Variants in DENND4C observed in about 807,000 individuals in gnomAD.
DENND4C encodes the protein DENN domain-containing protein 4C.
In DENND4C, 108 loss-of-function variants were observed where a neutral mutation model predicts 203.0. The ratio of observed to expected loss-of-function variants is 0.53; its 90% confidence interval spans 0.46 to 0.62. DENND4C has a LOEUF of 0.62. Ranked by LOEUF, DENND4C falls within the 20% of genes least tolerant of loss-of-function variation. The probability of loss-of-function intolerance (pLI) is 0.00; values close to 1 mark genes in which losing one functional copy is unlikely to be tolerated. For missense variants in DENND4C, 2,481 were observed against 2,301.2 expected, an observed-to-expected ratio of 1.08 and a Z score of -1.60; for synonymous variants, 871 against 792.4, an observed-to-expected ratio of 1.10 and a Z score of -1.67.
chr9:19,327,020 T>C (rs1425649163), intron 15 of DENND4C, among the ~76,000 whole-genome samples: 1 of 109,426 alleles, frequency 9.1e-6, no homozygotes, highest in Middle Eastern at 5.0e-3. Context: ...GTAAAGTAAG[T>C]ACATCCCAAA....
intron 1 of DENND4C, among the ~76,000 whole-genome samples, chr9:19,236,578 C>T (rs547846120): frequency 6.6e-6 from 1 of 152,130 alleles, no homozygotes; most frequent in Non-Finnish European, 1.5e-5. Flanking sequence ...AATATTTTGG[C>T]TCCATTAAGA....
intron 21 of DENND4C, among the ~76,000 whole-genome samples, chr9:19,341,500 A>G (rs571794217): frequency 6.6e-6 from 1 of 151,724 alleles, no homozygotes; most frequent in South Asian, 2.1e-4. Flanking sequence ...TGTAGAGACA[A>G]GGTCTCACCA....
rs41302075 is a variant in DENND4C at position 19,288,775 on chromosome 9, A to G, written c.628+110A>G. ...CTTACATAGTTTGTAGAATTGATCT[A>G]TTCATAAAATTATCTATAATTTTAG... On this transcript the variant is annotated intron_variant, in intron 4 of 32. Transcript: ENST00000434457. The G allele has an allele frequency of 2.3e-3, 1,163 of 510,722 alleles. 3 individuals are homozygous for G. The highest frequency in any genetic ancestry group is 3.1e-3 in the Non-Finnish European group (1,032 of 330,686). The allele number at this position is 510,722 out of a possible 1,614,324, so 31.6% of individuals were successfully genotyped here.
chr9:19,237,618 A>G (rs201136265), intron 1 of DENND4C, among the ~76,000 whole-genome samples: 21 of 151,458 alleles, frequency 1.4e-4, no homozygotes, highest in East Asian at 1.2e-3. Context: ...CGACCTCCCA[A>G]AGTGCTGGGA....
rs894504479 is a variant in DENND4C at position 19,300,467 on chromosome 9, G to A, written c.1311+136G>A. 19 of 804,024 alleles carry A rather than the reference G, an allele frequency of 2.4e-5. No individual in the cohort carries two copies. In the African/African-American group the frequency reaches 3.2e-4, roughly 13 times the overall value. 49.8% of individuals were successfully genotyped at this position (804,024 alleles called of 1,614,324 possible). On this transcript the variant is annotated intron_variant, in intron 9 of 32. Coordinates refer to ENST00000434457, the MANE Select transcript of DENND4C (RefSeq NM_001330640.2). ...GGAACTTTGAAAAATTTCCAGCCCAGTAAAAGTTGAATATAATCTGCTGGC... is the reference window on the plus strand; with the variant it reads ...GGAACTTTGAAAAATTTCCAGCCCAATAAAAGTTGAATATAATCTGCTGGC...
intron 15 of DENND4C, among the ~76,000 whole-genome samples, chr9:19,327,287 A>T (rs1388607353): frequency 6.6e-6 from 1 of 152,124 alleles, no homozygotes; most frequent in African/African-American, 2.4e-5. Context: ...AGTCAATAAT[A>T]TAAAAATATG....
chr9:19,362,704 C>T (rs1047724766), intron 30 of DENND4C, among the ~76,000 whole-genome samples: 1 of 152,028 alleles, frequency 6.6e-6, no homozygotes, highest in African/African-American at 2.4e-5. Context: ...TTCTATATAG[C>T]AGAAGAGTAA....
At chr9:19,266,858 T>C (rs892284578) in intron 1 of DENND4C, among the ~76,000 whole-genome samples, 2 of 152,192 alleles carry the variant, frequency 1.3e-5, no homozygotes, top group Non-Finnish European at 2.9e-5. Context: ...ATGTTAGACC[T>C]AAAACCATGA....
intron 1 of DENND4C, among the ~76,000 whole-genome samples, chr9:19,251,475 G>C (rs1206576675): frequency 6.6e-6 from 1 of 152,216 alleles, no homozygotes; most frequent in East Asian, 1.9e-4. Flanking sequence ...CTGTCTTGGG[G>C]ATTAACATTC....
At chr9:19,298,568 T>C (rs780938411) in intron 7 of DENND4C, among the ~76,000 whole-genome samples, 1 of 152,118 alleles carries the variant, frequency 6.6e-6, no homozygotes, top group Non-Finnish European at 1.5e-5. Context: ...GTGTACAGCT[T>C]GTGACATATG....
At chr9:19,258,440 T>A (rs1369528161) in intron 1 of DENND4C, among the ~76,000 whole-genome samples, 1 of 152,152 alleles carries the variant, frequency 6.6e-6, no homozygotes, top group Non-Finnish European at 1.5e-5. Context: ...ATATAAAATT[T>A]CACACAAAAT....
intron 30 of DENND4C, among the ~76,000 whole-genome samples, chr9:19,368,795 G>A (rs1697005313): frequency 2.0e-5 from 3 of 151,474 alleles, no homozygotes; most frequent in Admixed American, 2.0e-4. Context: ...GTGAAAAACT[G>A]TCTAAAAAGT....
rs190123409 is a variant in DENND4C at position 19,364,815 on chromosome 9, G to C, written c.5524+2852G>C. 3.4e-3 allele frequency among the ~76,000 whole-genome samples: 524 copies of C among 152,208 alleles called. 3 individuals are homozygous for C. The highest frequency in any genetic ancestry group is 5.1e-3 in the Non-Finnish European group (345 of 68,006). The stretch of plus-strand genomic sequence containing the variant: ...GAGGCTGAGACAGGAGAATCAGGGA[G>C]GCCTGGGAGGCGGAAGTTGCAGTGA... On this transcript the variant is annotated intron_variant, in intron 30 of 32. Transcript: ENST00000434457.
Position 19,360,343 on chromosome 9 carries a change from G to A in DENND4C, c.5260G>A (p.Gly1754Ser), listed in dbSNP as rs767946037. Residue 1754 changes from glycine to serine, a missense_variant, in exon 29 of 33, where the codon GGT becomes AGT. This residue lies in a region of DENND4C where 2,289 missense variants were observed against 2,113.3 expected (regional missense o/e 1.08). Transcript: ENST00000434457. ...ACTTGAATCTTTGCTAGAAAATGAA[G>A]GTGATCAGGTGATTCATACATCTTC... ...KELESLLENE[G>S]DQVIHTSSFI... is the part of the protein sequence containing the mutation. The A allele has an allele frequency of 7.4e-6, 12 of 1,613,914 alleles. No individual in the cohort carries two copies. In the African/African-American group the frequency reaches 1.6e-4, roughly 22 times the overall value.
intron 1 of DENND4C, among the ~76,000 whole-genome samples, chr9:19,234,805 G>T (rs535871452): frequency 6.3e-4 from 95 of 151,882 alleles, no homozygotes; most frequent in Middle Eastern, 3.4e-3. Context: ...GCCTCCCAAA[G>T]TGCTGTGATT....
chr9:19,354,349 G>A (rs1288214978), intron 26 of DENND4C, among the ~76,000 whole-genome samples: 1 of 152,110 alleles, frequency 6.6e-6, no homozygotes, highest in Non-Finnish European at 1.5e-5. Context: ...CTTGGAGTAA[G>A]ATCATTTTCA....
intron 1 of DENND4C, among the ~76,000 whole-genome samples, chr9:19,272,678 T>C (rs1831974478): frequency 6.6e-6 from 1 of 152,190 alleles, no homozygotes; most frequent in Non-Finnish European, 1.5e-5. Flanking sequence ...TAGACCTAAA[T>C]GTAAAACCTA....
chr9:19,249,984 T>C (rs960360464), intron 1 of DENND4C, among the ~76,000 whole-genome samples: 37 of 152,168 alleles, frequency 2.4e-4, no homozygotes, highest in African/African-American at 8.7e-4. Flanking sequence ...CTCAACTCTT[T>C]ATGTCAAAAT....
At chr9:19,293,189 A>G (rs575458798) in intron 5 of DENND4C, among the ~76,000 whole-genome samples, 12 of 152,332 alleles carry the variant, frequency 7.9e-5, no homozygotes, top group African/African-American at 2.4e-4. Flanking sequence ...CTTTGGCAGT[A>G]GAGAACAATA....
Sources: gnomAD v4.1 joint callset for allele counts (sites outside exome capture counted in the v4.1 genomes callset) on GRCh38, gnomAD v4.1.1 for gene constraint, gnomAD v4.1.1 regional missense constraint, MANE v1.5 for transcripts, NCBI Gene and HGNC (gene_info 2026-07-23, HGNC 2026-07-21) for gene names.